DLG2: variants seen among roughly 807,000 people sequenced by gnomAD.
DLG2 encodes the protein disks large homolog 2.
A neutral mutation model predicts 132.5 loss-of-function variants in DLG2; 45 were observed. That is an observed-to-expected ratio of 0.34 (90% CI 0.27 to 0.44). The LOEUF (loss-of-function observed/expected upper bound fraction) is 0.44. DLG2 is among the 20% of genes least tolerant of loss of function. The pLI is 1.00. For missense variants in DLG2, 1,045 were observed against 1,196.9 expected (o/e 0.87, Z 1.87); for synonymous variants, 424 against 419.6 (o/e 1.01, Z -0.13).
chr11:85,560,511 A>T (rs1170423038), intron 3 of DLG2, among the ~76,000 whole-genome samples: 1 of 151,866 alleles, frequency 6.6e-6, no homozygotes, highest in Non-Finnish European at 1.5e-5. Flanking sequence ...GATTCAACTT[A>T]TATGAAATGT....
intron 6 of DLG2, among the ~76,000 whole-genome samples, chr11:84,745,621 G>A (rs1419301698): frequency 6.6e-6 from 1 of 152,126 alleles, no homozygotes; most frequent in Admixed American, 6.6e-5. Flanking sequence ...GCCCATCTTA[G>A]ATTAAAAATA....
At chr11:83,582,066 C>T (rs890885165) in intron 19 of DLG2, among the ~76,000 whole-genome samples, 13 of 141,882 alleles carry the variant, frequency 9.2e-5, no homozygotes, top group Non-Finnish European at 1.6e-4. Flanking sequence ...AAGCGATTCT[C>T]CTGCCTCAGC....
intron 19 of DLG2, among the ~76,000 whole-genome samples, chr11:83,619,454 T>G (rs1399495544): frequency 6.6e-6 from 1 of 152,220 alleles, no homozygotes; most frequent in Admixed American, 6.5e-5. Flanking sequence ...AGAATTGAGT[T>G]TTTATCATGT....
At chr11:84,144,373 T>C (rs2094982408) in intron 9 of DLG2, among the ~76,000 whole-genome samples, 2 of 152,156 alleles carry the variant, frequency 1.3e-5, no homozygotes, top group African/African-American at 4.8e-5. Context: ...CTCTTCCAGA[T>C]ACAGGGTTCC....
At chr11:84,097,283 G>T (rs1413275273) in intron 10 of DLG2, among the ~76,000 whole-genome samples, 3 of 152,060 alleles carry the variant, frequency 2.0e-5, no homozygotes, top group African/African-American at 7.2e-5. Context: ...CAAGAATCCT[G>T]CTGAGTCAGT....
chr11:84,346,618 G>A (rs143256660), intron 7 of DLG2, among the ~76,000 whole-genome samples: 19 of 151,986 alleles, frequency 1.3e-4, no homozygotes, highest in African/African-American at 3.1e-4. Flanking sequence ...TTGCTGTGTC[G>A]GCAGGCTGCA....
intron 6 of DLG2, among the ~76,000 whole-genome samples, chr11:84,585,398 A>C (rs949109546): frequency 5.3e-5 from 8 of 152,128 alleles, no homozygotes; most frequent in Non-Finnish European, 1.0e-4. Context: ...CTGAAACCAC[A>C]CTGTCATCAG....
At chr11:84,338,969 C>T (rs1351399926) in intron 7 of DLG2, among the ~76,000 whole-genome samples, 3 of 152,092 alleles carry the variant, frequency 2.0e-5, no homozygotes, top group Admixed American at 6.5e-5. Context: ...TAACAAACAT[C>T]TCTTATTGTA....
At chr11:85,148,878 T>G (rs1415890951) in intron 5 of DLG2, among the ~76,000 whole-genome samples, 1 of 152,236 alleles carries the variant, frequency 6.6e-6, no homozygotes, top group Non-Finnish European at 1.5e-5. Context: ...TTTTTATGGT[T>G]TTGGGTTTAC....
At chr11:83,490,251 A>G (rs1162881073) in intron 21 of DLG2, among the ~76,000 whole-genome samples, 2 of 151,984 alleles carry the variant, frequency 1.3e-5, no homozygotes, top group Non-Finnish European at 2.9e-5. Context: ...AATGAATGGT[A>G]GCATATGAAA....
chr11:85,417,263 T>C (rs111675347), intron 3 of DLG2, among the ~76,000 whole-genome samples: 19,590 of 152,200 alleles, frequency 0.13, 1,790 homozygotes, highest in Non-Finnish European at 0.18. Flanking sequence ...TTTGTGTATA[T>C]TGAACAAGCC....
At chr11:85,341,437 TGTAACAGTGTATCATCTGCGA>T (rs1294966300) in intron 3 of DLG2, among the ~76,000 whole-genome samples, 2 of 152,206 alleles carry the variant, frequency 1.3e-5, no homozygotes, top group African/African-American at 4.8e-5. Flanking sequence ...GAAAATTTTA[TGTAACAGTGTATCATCTGCGA>T]GTAAAGACAG....
At chr11:84,525,005 G>A (rs1184207789) in intron 7 of DLG2, among the ~76,000 whole-genome samples, 3 of 152,006 alleles carry the variant, frequency 2.0e-5, no homozygotes, top group Non-Finnish European at 2.9e-5. Flanking sequence ...TATGAAAATA[G>A]AAGCTCCAAG....
chr11:85,395,871 A>G (rs1380407409), intron 3 of DLG2, among the ~76,000 whole-genome samples: 1 of 152,226 alleles, frequency 6.6e-6, no homozygotes, highest in Non-Finnish European at 1.5e-5. Context: ...CAGCTTCTGC[A>G]GATTTAAACA....
intron 18 of DLG2, among the ~76,000 whole-genome samples, chr11:83,737,724 C>T (rs549260948): frequency 1.8e-4 from 28 of 152,282 alleles, no homozygotes; most frequent in East Asian, 9.7e-4. Context: ...GAGGCCAAGG[C>T]AGGTGGATAA....
intron 6 of DLG2, among the ~76,000 whole-genome samples, chr11:84,960,623 G>A (rs1486529409): frequency 6.6e-6 from 1 of 151,884 alleles, no homozygotes; most frequent in African/African-American, 2.4e-5. Flanking sequence ...ATTTTTAGGA[G>A]AGATGGGGTA....
chr11:84,735,765 T>C (rs2063750536), intron 6 of DLG2, among the ~76,000 whole-genome samples: 1 of 152,136 alleles, frequency 6.6e-6, no homozygotes, highest in Non-Finnish European at 1.5e-5. Context: ...CTTTCTCTTG[T>C]GGGCATTTAG....
intron 6 of DLG2, among the ~76,000 whole-genome samples, chr11:84,934,261 G>T (rs2048422688): frequency 6.6e-6 from 1 of 151,906 alleles, no homozygotes; most frequent in Non-Finnish European, 1.5e-5. Context: ...ATGTGCTACT[G>T]GATTCAGTTT....
intron 16 of DLG2, among the ~76,000 whole-genome samples, chr11:83,850,609 C>A (rs2059576596): frequency 6.6e-6 from 1 of 152,122 alleles, no homozygotes; most frequent in East Asian, 1.9e-4. Context: ...CTACAATGTA[C>A]CATTCTAGCA....
Sources: gnomAD v4.1 joint callset for allele counts (sites outside exome capture counted in the v4.1 genomes callset) on GRCh38, gnomAD v4.1.1 for gene constraint, MANE v1.5 for transcripts, NCBI Gene and HGNC (gene_info 2026-07-23, HGNC 2026-07-21) for gene names.